Variants in ADAMTS3 observed in about 807,000 individuals in gnomAD.
ADAMTS3 encodes A disintegrin and metalloproteinase with thrombospondin motifs 3.
A neutral mutation model predicts 129.0 loss-of-function variants in ADAMTS3; 73 were observed. The ratio of observed to expected loss-of-function variants is 0.57; its 90% CI spans 0.47 to 0.69. ADAMTS3 has a LOEUF of 0.69. Ranked by LOEUF, ADAMTS3 falls within the 30% of genes least tolerant of loss-of-function variation. The probability of loss-of-function intolerance (pLI) is 0.00; values close to 1 mark genes in which losing one functional copy is unlikely to be tolerated. For synonymous variants in ADAMTS3, 477 were observed against 510.8 expected (o/e 0.93, Z 0.89); for missense variants, 1,457 against 1,514.5 (o/e 0.96, Z 0.63).
At chr4:72,480,484 G>A (rs1348183507) in intron 3 of ADAMTS3, among the ~76,000 whole-genome samples, 1 of 151,474 alleles carries the variant, frequency 6.6e-6, no homozygotes, top group Non-Finnish European at 1.5e-5. Flanking sequence ...TCATAGATGG[G>A]AATTGAACAA....
chr4:72,312,980 C>T (rs1350236150), intron 12 of ADAMTS3, among the ~76,000 whole-genome samples: 1 of 152,088 alleles, frequency 6.6e-6, no homozygotes, highest in Non-Finnish European at 1.5e-5. Context: ...GTCTTTGTTA[C>T]TTCTAATACC....
At position 72,505,805 on chromosome 4, in the gene ADAMTS3, GAGCAGAGAGGACCATCCTGC is replaced by G. The variant is rs766403482; in HGVS notation, c.504+42653_504+42672del. 1.4e-3 allele frequency among the ~76,000 whole-genome samples: 213 copies of G among 152,302 alleles called. 1 individual carries two copies. Among genetic ancestry groups the G allele is most frequent in the Non-Finnish European group, 1.7e-3 (114 of 68,018 alleles). On this transcript the variant is annotated intron_variant, in intron 3 of 21. Transcript: ENST00000286657. ...ATGGCTGTAGGTCTGCCTGGGCATGGAGCAGAGAGGACCATCCTGCACCAGGATCTCTCTGCATAGGAAGT... is the reference window on the plus strand; with the variant it reads ...ATGGCTGTAGGTCTGCCTGGGCATGGACCAGGATCTCTCTGCATAGGAAGT...
intron 4 of ADAMTS3, among the ~76,000 whole-genome samples, chr4:72,399,894 CGTGTGTATATATGCACACACG>C: frequency 3.4e-5 from 1 of 29,602 alleles, no homozygotes; most frequent in Non-Finnish European, 6.1e-5. Flanking sequence ...TGTGTATATA[CGTGTGTATATATGCACACACG>C]GTGTGTATAT....
intron 3 of ADAMTS3, among the ~76,000 whole-genome samples, chr4:72,501,651 T>C (rs549619263): frequency 6.6e-6 from 1 of 152,180 alleles, no homozygotes; most frequent in Admixed American, 6.6e-5. Context: ...CAGTACTATG[T>C]TGAATAGGAG....
intron 2 of ADAMTS3, among the ~76,000 whole-genome samples, chr4:72,556,926 A>C (rs895262282): frequency 6.6e-6 from 1 of 151,454 alleles, no homozygotes; most frequent in Non-Finnish European, 1.5e-5. Flanking sequence ...CTATAATCCC[A>C]CCCAGCCTGA....
chr4:72,495,957 C>T lies in ADAMTS3; in HGVS notation c.504+52521G>A, dbSNP rs530378978. On this transcript the variant is annotated intron_variant, in intron 3 of 21. Transcript: ENST00000286657. ...TCCATGTAAGCAATCTTGTCAACTA[C>T]AAATGTACTATGTACCTACTATGTG... Among the ~76,000 whole-genome samples, 4 of 152,282 alleles carry T rather than the reference C, an allele frequency of 2.6e-5. No individual in the cohort carries two copies. The East Asian group carries it at 5.8e-4, about 22-fold the overall frequency.
chr4:72,431,995 A>G (rs1291314136), intron 3 of ADAMTS3, among the ~76,000 whole-genome samples: 1 of 151,924 alleles, frequency 6.6e-6, no homozygotes, highest in Non-Finnish European at 1.5e-5. Context: ...AAAAAAGGTT[A>G]CCAGCAAATG....
At chr4:72,312,867 T>A (rs953364226) in intron 12 of ADAMTS3, among the ~76,000 whole-genome samples, 1 of 152,198 alleles carries the variant, frequency 6.6e-6, no homozygotes, top group Admixed American at 6.6e-5. Flanking sequence ...TAATGTATCT[T>A]CCTTTGAGGA....
At chr4:72,305,621 TTA>T (rs1719063654) in intron 16 of ADAMTS3, among the ~76,000 whole-genome samples, 1 of 152,056 alleles carries the variant, frequency 6.6e-6, no homozygotes, top group South Asian at 2.1e-4. Flanking sequence ...TCTACTTTTT[TTA>T]TGTTTCTTGT....
chr4:72,561,271 C>G (rs1721896740), intron 2 of ADAMTS3, among the ~76,000 whole-genome samples: 1 of 151,696 alleles, frequency 6.6e-6, no homozygotes, highest in African/African-American at 2.4e-5. Flanking sequence ...TGCTTGAACC[C>G]AGAAGGCAGA....
At chr4:72,333,848 C>CTTTT (rs6148516) in intron 5 of ADAMTS3, among the ~76,000 whole-genome samples, 5,267 of 99,392 alleles carry the variant, frequency 0.053, 831 homozygotes, top group Non-Finnish European at 0.059. Flanking sequence ...TGTTTGCTTG[C>CTTTT]TTTTTTTTTT....
intron 18 of ADAMTS3, 37 bp downstream of exon 18, chr4:72,298,240 A>G: frequency 6.4e-7 from 1 of 1,574,600 alleles, no homozygotes. Context: ...TTTTATATGC[A>G]TTACATTTTA....
chr4:72,513,918 A>G (rs1042389828), intron 3 of ADAMTS3, among the ~76,000 whole-genome samples: 18 of 152,152 alleles, frequency 1.2e-4, no homozygotes, highest in Admixed American at 5.9e-4. Context: ...CCTATTTATA[A>G]GCGAGAATAT....
intron 3 of ADAMTS3, among the ~76,000 whole-genome samples, chr4:72,437,877 G>A (rs1717993607): frequency 6.6e-6 from 1 of 151,618 alleles, no homozygotes; most frequent in Admixed American, 6.6e-5. Context: ...AATAGTAATG[G>A]AAAAAATACA....
intron 3 of ADAMTS3, among the ~76,000 whole-genome samples, chr4:72,456,092 A>ATATATAGTATATATACTGTATATATTT (rs1302024989): frequency 2.3e-4 from 1 of 4,304 alleles, no homozygotes; most frequent in African/African-American, 1.2e-3. Flanking sequence ...TATATATTTT[A>ATATATAGTATATATACTGTATATATTT]TATATATAGT....
chr4:72,550,058 GAAGAGGAAGAGGAAGAGGAAGAGGA>G, intron 2 of ADAMTS3, among the ~76,000 whole-genome samples: 1 of 12,372 alleles, frequency 8.1e-5, no homozygotes, highest in African/African-American at 2.9e-4. Context: ...AGAGGAAGAG[GAAGAGGAAGAGGAAGAGGAAGAGGA>G]AGAAGAAGAA....
chr4:72,330,923 G>A (rs552224062), intron 5 of ADAMTS3, among the ~76,000 whole-genome samples: 26 of 152,224 alleles, frequency 1.7e-4, no homozygotes, highest in Admixed American at 6.5e-4. Context: ...AAGATGGTTC[G>A]CACAGGAATC....
intron 2 of ADAMTS3, among the ~76,000 whole-genome samples, chr4:72,565,822 G>A (rs751044681): frequency 5.3e-5 from 8 of 151,994 alleles, no homozygotes; most frequent in South Asian, 4.2e-4. Context: ...ACCAAACTTC[G>A]GTTCAATCCA....
At chr4:72,463,151 C>T (rs930780245) in intron 3 of ADAMTS3, among the ~76,000 whole-genome samples, 3 of 152,050 alleles carry the variant, frequency 2.0e-5, no homozygotes, top group South Asian at 2.1e-4. Context: ...CTACAGTATG[C>T]AGTACAGTAA....
Sources: allele counts gnomAD v4.1 joint callset (sites outside exome capture counted in the v4.1 genomes callset), GRCh38; gene constraint gnomAD v4.1.1; transcripts MANE v1.5; gene names NCBI Gene and HGNC (gene_info 2026-07-23, HGNC 2026-07-21).